Variants in KCNN2 observed in about 807,000 individuals in gnomAD.
The protein encoded by KCNN2 is small conductance calcium-activated potassium channel protein 2.
KCNN2 carries 24 observed loss-of-function variants against 55.5 expected under a neutral mutation model. The ratio of observed to expected loss-of-function variants is 0.43; its 90% CI spans 0.31 to 0.61. KCNN2 has a LOEUF of 0.61. Ranked by LOEUF, KCNN2 falls within the 20% of genes least tolerant of loss-of-function variation. The probability of loss-of-function intolerance (pLI) is 0.08; values close to 1 mark genes in which losing one functional copy is unlikely to be tolerated. For synonymous variants in KCNN2, 431 were observed against 336.1 expected (o/e 1.28, Z -3.09); for missense variants, 754 against 853.6 (o/e 0.88, Z 1.45).
At chr5:114,181,607 T>G (rs1485585321) in intron 1 of KCNN2, among the ~76,000 whole-genome samples, 2 of 152,242 alleles carry the variant, frequency 1.3e-5, no homozygotes, top group East Asian at 3.8e-4. Flanking sequence ...TTATCAATTT[T>G]TTTATTTTGT....
At chr5:114,234,453 A>C (rs560507147) in intron 2 of KCNN2, among the ~76,000 whole-genome samples, 1 of 152,190 alleles carries the variant, frequency 6.6e-6, no homozygotes, top group African/African-American at 2.4e-5. Flanking sequence ...TTCTTTGCTC[A>C]TGTGCCATTT....
At chr5:114,439,058 A>C (rs1760117229) in intron 3 of KCNN2, among the ~76,000 whole-genome samples, 1 of 152,244 alleles carries the variant, frequency 6.6e-6, no homozygotes, top group South Asian at 2.1e-4. Flanking sequence ...AGTACATAAA[A>C]AAATCTGAAA....
intron 1 of KCNN2, among the ~76,000 whole-genome samples, chr5:114,071,627 A>C (rs778623240): frequency 8.3e-4 from 126 of 152,250 alleles, no homozygotes; most frequent in Non-Finnish European, 2.1e-4. Context: ...TCATATGTAC[A>C]GAATATATGT....
At chr5:114,210,580 C>T (rs1383603383) in intron 1 of KCNN2, among the ~76,000 whole-genome samples, 1 of 151,884 alleles carries the variant, frequency 6.6e-6, no homozygotes, top group African/African-American at 2.4e-5. Context: ...ATGTATATAC[C>T]ATTGTGATTA....
At chr5:114,176,759 A>C (rs1753138113) in intron 1 of KCNN2, among the ~76,000 whole-genome samples, 1 of 152,208 alleles carries the variant, frequency 6.6e-6, no homozygotes. Context: ...AAGCAATTTA[A>C]TAAAGGGATA....
chr5:114,191,274 C>G (rs1753443163), intron 1 of KCNN2, among the ~76,000 whole-genome samples: 1 of 152,112 alleles, frequency 6.6e-6, no homozygotes, highest in South Asian at 2.1e-4. Flanking sequence ...CTGCAGCAAT[C>G]TGTTGTTTCA....
intron 6 of KCNN2, 32 bp from the exon 7 acceptor site, chr5:114,493,371 G>A: frequency 7.3e-7 from 1 of 1,366,594 alleles, no homozygotes. Context: ...AGGAAGAAGG[G>A]AACCTTTCTG....
chr5:114,450,292 A>C (rs1394616399), intron 3 of KCNN2, among the ~76,000 whole-genome samples: 3 of 152,176 alleles, frequency 2.0e-5, no homozygotes, highest in Non-Finnish European at 4.4e-5. Context: ...GGGTAAGGGA[A>C]TCTTTGGGCC....
In KCNN2 at chr5:114,075,185, A is replaced by G. The variant is rs1374647077; in HGVS notation, c.-271+18685A>G. Among the ~76,000 whole-genome samples, 3 of 152,214 alleles carry G rather than the reference A, an allele frequency of 2.0e-5. No homozygotes were observed. In the East Asian group the frequency reaches 5.8e-4, roughly 29 times the overall value. ...GGAAGAAATGGTGTTTCAGAGATAT[A>G]AACATTTTAGCTGGCTGTGATTACT... On this transcript the variant is annotated intron_variant, in intron 1 of 10. Coordinates refer to the KCNN2 transcript ENST00000512097.
intron 1 of KCNN2, among the ~76,000 whole-genome samples, chr5:114,207,828 C>T (rs528848642): frequency 3.9e-5 from 6 of 152,218 alleles, no homozygotes; most frequent in South Asian, 2.1e-4. Flanking sequence ...CTTTACATGC[C>T]GAGAGACATG....
intron 1 of KCNN2, among the ~76,000 whole-genome samples, chr5:114,111,910 G>A (rs986246054): frequency 6.6e-5 from 10 of 152,308 alleles, no homozygotes; most frequent in Admixed American, 5.2e-4. Context: ...CATTGTGGAA[G>A]ACAGTGTGGT....
At chr5:114,346,923 G>A (rs1365646538) in intron 2 of KCNN2, among the ~76,000 whole-genome samples, 1 of 152,108 alleles carries the variant, frequency 6.6e-6, no homozygotes, top group Non-Finnish European at 1.5e-5. Flanking sequence ...AAGGACACAG[G>A]GGCCAACCTG....
intron 2 of KCNN2, among the ~76,000 whole-genome samples, chr5:114,379,035 T>G (rs915105841): frequency 6.6e-6 from 1 of 152,184 alleles, no homozygotes; most frequent in African/African-American, 2.4e-5. Flanking sequence ...TTCTCCATTC[T>G]GAGCTGCCTA....
At chr5:114,367,650 A>T (rs568721242) in intron 2 of KCNN2, among the ~76,000 whole-genome samples, 160 of 143,444 alleles carry the variant, frequency 1.1e-3, no homozygotes, top group African/African-American at 3.7e-3. Context: ...TTTCAGTGAC[A>T]TTTTTTTTTT....
At chr5:114,095,705 G>T (rs1261263798) in intron 1 of KCNN2, among the ~76,000 whole-genome samples, 1 of 152,036 alleles carries the variant, frequency 6.6e-6, no homozygotes, top group Non-Finnish European at 1.5e-5. Context: ...TTCCTCTAGG[G>T]CTTGGCCTAC....
At chr5:114,356,077 A>T (rs531348733) in intron 2 of KCNN2, among the ~76,000 whole-genome samples, 12 of 152,244 alleles carry the variant, frequency 7.9e-5, no homozygotes, top group Non-Finnish European at 1.5e-4. Flanking sequence ...AGAGGCGACT[A>T]TATTCTTCAG....
chr5:114,125,696 T>A (rs1470240156), intron 1 of KCNN2, among the ~76,000 whole-genome samples: 1 of 152,178 alleles, frequency 6.6e-6, no homozygotes, highest in Non-Finnish European at 1.5e-5. Context: ...TTCTTACAGT[T>A]CTGGAGGTTA....
At chr5:114,137,029 T>C (rs539208858) in intron 1 of KCNN2, among the ~76,000 whole-genome samples, 2 of 152,250 alleles carry the variant, frequency 1.3e-5, no homozygotes, top group East Asian at 3.9e-4. Context: ...GTCCTACTAT[T>C]CGTGGTAGAT....
intron 6 of KCNN2, among the ~76,000 whole-genome samples, chr5:114,488,178 A>T (rs1747667601): frequency 6.6e-6 from 1 of 152,338 alleles, no homozygotes; most frequent in African/African-American, 2.4e-5. Context: ...TTAAATAGAT[A>T]TCACTGAAAA....
Sources: allele counts gnomAD v4.1 joint callset (sites outside exome capture counted in the v4.1 genomes callset), GRCh38; gene constraint gnomAD v4.1.1; transcripts MANE v1.5; gene names NCBI Gene and HGNC (gene_info 2026-07-23, HGNC 2026-07-21).